The following DGKB variants were observed in gnomAD, a reference collection of about 807,000 sequenced individuals.
The protein encoded by DGKB is diacylglycerol kinase beta.
A neutral mutation model predicts 114.3 loss-of-function variants in DGKB; 67 were observed. The observed-to-expected ratio is 0.59, with a 90% CI of 0.48 to 0.72. The LOEUF (loss-of-function observed/expected upper bound fraction) is 0.72, where lower values mean the gene tolerates loss of function less well. DGKB is among the 30% of genes least tolerant of loss of function. The pLI, the probability that DGKB is intolerant of heterozygous loss-of-function variation, is 0.00. For synonymous variants in DGKB, 398 were observed against 323.1 expected, an observed-to-expected ratio of 1.23 and a Z score of -2.49; for missense variants, 907 against 975.2, an observed-to-expected ratio of 0.93 and a Z score of 0.93.
chr7:14,919,686 C>A (rs868352318), intron 1 of DGKB, among the ~76,000 whole-genome samples: 1 of 152,162 alleles, frequency 6.6e-6, no homozygotes, highest in African/African-American at 2.4e-5. Context: ...GGGAAATGAG[C>A]TATTAAACGT....
At chr7:14,404,714 C>G (rs373813490) in intron 21 of DGKB, among the ~76,000 whole-genome samples, 1 of 151,878 alleles carries the variant, frequency 6.6e-6, no homozygotes, top group Non-Finnish European at 1.5e-5. Context: ...GTCCCCTCCT[C>G]TATACCAGAA....
chr7:14,805,867 A>G (rs1304141446), intron 2 of DGKB, among the ~76,000 whole-genome samples: 1 of 150,842 alleles, frequency 6.6e-6, no homozygotes, highest in Non-Finnish European at 1.5e-5. Context: ...AGTCTAAAGT[A>G]TATTTCCTTT....
chr7:14,727,938 T>C (rs1477629140), intron 5 of DGKB, among the ~76,000 whole-genome samples: 1 of 152,206 alleles, frequency 6.6e-6, no homozygotes, highest in Non-Finnish European at 1.5e-5. Context: ...AAAGAACATT[T>C]CTCCCAAGGT....
intron 20 of DGKB, among the ~76,000 whole-genome samples, chr7:14,505,438 A>G (rs1563346156): frequency 6.6e-6 from 1 of 151,504 alleles, no homozygotes; most frequent in Non-Finnish European, 1.5e-5. Flanking sequence ...TGGGAGACAG[A>G]GTGAGACTCC....
intron 20 of DGKB, among the ~76,000 whole-genome samples, chr7:14,550,215 T>A (rs1794912870): frequency 6.6e-6 from 1 of 152,192 alleles, no homozygotes; most frequent in African/African-American, 2.4e-5. Flanking sequence ...ACATACAACT[T>A]ATTTATCATT....
intron 22 of DGKB, among the ~76,000 whole-genome samples, chr7:14,341,255 T>C (rs1376906468): frequency 2.0e-5 from 3 of 151,882 alleles, no homozygotes; most frequent in Non-Finnish European, 1.5e-5. Context: ...TTTCCACTTG[T>C]TCTTGACCCT....
At chr7:14,901,136 A>G (rs1358090962) in intron 1 of DGKB, among the ~76,000 whole-genome samples, 1 of 152,166 alleles carries the variant, frequency 6.6e-6, no homozygotes, top group East Asian at 1.9e-4. Flanking sequence ...CCTATAACAA[A>G]TTGGGCACTC....
intron 6 of DGKB, among the ~76,000 whole-genome samples, chr7:14,709,644 T>G (rs1826978663): frequency 6.9e-6 from 1 of 145,658 alleles, no homozygotes; most frequent in Non-Finnish European, 1.5e-5. Context: ...CCATAAAAAA[T>G]GATGAGTTCA....
intron 5 of DGKB, among the ~76,000 whole-genome samples, chr7:14,720,556 G>T (rs1430755265): frequency 6.7e-6 from 1 of 150,180 alleles, no homozygotes; most frequent in African/African-American, 2.5e-5. Flanking sequence ...TGTTGGTCAG[G>T]CTGGTCTCGA....
intron 25 of DGKB, among the ~76,000 whole-genome samples, chr7:14,173,584 C>T (rs1014986209): frequency 5.9e-5 from 9 of 152,164 alleles, no homozygotes; most frequent in Non-Finnish European, 1.3e-4. Flanking sequence ...TATCAGCTTA[C>T]AGATATTTAA....
intron 23 of DGKB, among the ~76,000 whole-genome samples, chr7:14,333,722 A>C (rs2128562244): frequency 6.6e-6 from 1 of 152,268 alleles, no homozygotes; most frequent in South Asian, 2.1e-4. Context: ...CAATTAGAGT[A>C]ACTAAAATGG....
rs117050836 is a variant in DGKB, at chr7:14,180,424, T to C, written c.2123-2273A>G. 9.6e-3 allele frequency among the ~76,000 whole-genome samples: 1,464 copies of C among 152,294 alleles called. 22 individuals carry two copies. Among genetic ancestry groups the C allele is most frequent in the African/African-American group, 0.027 (1,111 of 41,556 alleles). On this transcript the variant is annotated intron_variant, in intron 23 of 25. Coordinates refer to ENST00000402815, the MANE Select transcript of DGKB (RefSeq NM_001350709.2). ...GTCTTTGTTTTTCTGCATGCAAAAA[T>C]GCCTTGAAAATCAATTCTGCTGTTA...
At chr7:14,255,136 A>G (rs1426256529) in intron 23 of DGKB, among the ~76,000 whole-genome samples, 1 of 152,226 alleles carries the variant, frequency 6.6e-6, no homozygotes, top group African/African-American at 2.4e-5. Context: ...GAACAAAGCA[A>G]CTTTCTTAAA....
At chr7:14,354,471 T>C (rs1814085443) in intron 21 of DGKB, among the ~76,000 whole-genome samples, 1 of 152,122 alleles carries the variant, frequency 6.6e-6, no homozygotes, top group African/African-American at 2.4e-5. Context: ...TTACTATAGG[T>C]CCAGTACTGT....
chr7:14,760,777 T>G (rs1202419644), intron 2 of DGKB, among the ~76,000 whole-genome samples: 2 of 152,146 alleles, frequency 1.3e-5, no homozygotes, highest in Non-Finnish European at 2.9e-5. Flanking sequence ...TAGATGGCCT[T>G]TTCGTTTCAG....
At chr7:14,494,778 G>C (rs1332311678) in intron 20 of DGKB, among the ~76,000 whole-genome samples, 5 of 151,740 alleles carry the variant, frequency 3.3e-5, no homozygotes, top group Non-Finnish European at 7.4e-5. Flanking sequence ...CCATGATTTA[G>C]TTAAATCATT....
In DGKB at chr7:14,769,129, G is replaced by A. The variant is rs916786742; in HGVS notation, c.71-11398C>T. Among the ~76,000 whole-genome samples the A allele has an allele frequency of 1.2e-4, 16 of 134,648 alleles. 1 individual carries two copies. The highest frequency in any genetic ancestry group is 3.8e-4 in the African/African-American group (13 of 34,076). 88.3% of individuals were successfully genotyped at this position (134,648 alleles called of 152,430 possible). A position where few individuals can be genotyped will look rare whatever the true frequency, so the allele number is the denominator to read the frequency against. On this transcript the variant is annotated intron_variant, in intron 2 of 25. Transcript: ENST00000402815. The stretch of plus-strand genomic sequence containing the variant: ...AGAAAGAAAGAAAGAAAGAAAGAGA[G>A]AGAGAGAAAGAAAGAAAGAAAGAGG...
chr7:14,729,859 G>C lies in DGKB; in HGVS notation c.322+6182C>G, dbSNP rs1830660413. Among the ~76,000 whole-genome samples the C allele has an allele frequency of 1.3e-5, 2 of 152,122 alleles. 1 individual carries two copies. Among genetic ancestry groups the C allele is most frequent in the South Asian group, 4.1e-4 (2 of 4,822 alleles). ...TCCTGTGGAAGTTCTAGCATATAAT[G>C]AGTTTAAATAAATAGATAGGATGCA... On this transcript the variant is annotated intron_variant, in intron 5 of 25. Transcript: ENST00000402815.
chr7:14,899,931 A>T (rs1449595259), intron 1 of DGKB, among the ~76,000 whole-genome samples: 1 of 152,144 alleles, frequency 6.6e-6, no homozygotes, highest in Non-Finnish European at 1.5e-5. Context: ...CTAACCCAGC[A>T]TTCACTAAAT....
Sources: allele counts gnomAD v4.1 joint callset (sites outside exome capture counted in the v4.1 genomes callset), GRCh38; gene constraint gnomAD v4.1.1; transcripts MANE v1.5; gene names NCBI Gene and HGNC (gene_info 2026-07-23, HGNC 2026-07-21).